Variants in POPDC1 observed in about 807,000 individuals in gnomAD.
POPDC1 encodes the protein popeye domain cAMP effector 1, also known as popeye domain-containing protein 1.
At chr6:105,124,685 C>T in the POPDC1 span, 7 of 1,384,734 alleles carry the variant, frequency 5.1e-6, no homozygotes, top group Non-Finnish European at 7.2e-6. Flanking sequence ...TTAATAAAAG[C>T]AATATTTCAC....
chr6:105,130,912 A>G, the POPDC1 span, among the ~76,000 whole-genome samples: 1 of 152,318 alleles, frequency 6.6e-6, no homozygotes, highest in Admixed American at 6.5e-5. Flanking sequence ...TTGCATTTCC[A>G]TGATTACTGG....
chr6:105,130,152 G>T, the POPDC1 span, among the ~76,000 whole-genome samples: 1 of 152,086 alleles, frequency 6.6e-6, no homozygotes, highest in Non-Finnish European at 1.5e-5. Context: ...ATTTAATTCT[G>T]CCTTACAGAG....
chr6:105,108,889 G>C, the POPDC1 span, among the ~76,000 whole-genome samples: 1 of 152,330 alleles, frequency 6.6e-6, no homozygotes, highest in South Asian at 2.1e-4. Context: ...CCGTTTCAAA[G>C]TAAGAGACCC....
chr6:105,135,088 T>C, the POPDC1 span, among the ~76,000 whole-genome samples: 5 of 152,300 alleles, frequency 3.3e-5, no homozygotes, highest in South Asian at 1.0e-3. Context: ...AGGTTAATAA[T>C]AACTATCATT....
At chr6:105,107,507 G>A in the POPDC1 span, among the ~76,000 whole-genome samples, 1 of 152,200 alleles carries the variant, frequency 6.6e-6, no homozygotes, top group Non-Finnish European at 1.5e-5. Context: ...TCAAATCTGA[G>A]CTTCAAATAA....
the POPDC1 span, among the ~76,000 whole-genome samples, chr6:105,117,662 T>G: frequency 0.017 from 2,607 of 152,284 alleles, 75 homozygotes; most frequent in African/African-American, 0.06. Context: ...CTTCCATCAG[T>G]TAACACAACT....
At chr6:105,118,909 C>A in the POPDC1 span, among the ~76,000 whole-genome samples, 1 of 152,058 alleles carries the variant, frequency 6.6e-6, no homozygotes, top group African/African-American at 2.4e-5. Context: ...ATTAGCCGGG[C>A]ATACTGGCAT....
the POPDC1 span, chr6:105,125,572 T>G: frequency 6.2e-7 from 1 of 1,613,834 alleles, no homozygotes; most frequent in South Asian, 1.1e-5. Flanking sequence ...TCCTTTTCAA[T>G]CTTTACCTGA....
the POPDC1 span, among the ~76,000 whole-genome samples, chr6:105,114,790 T>C: frequency 6.6e-6 from 1 of 152,216 alleles, no homozygotes; most frequent in East Asian, 1.9e-4. Flanking sequence ...TACCGGAAAA[T>C]GTGCCTCTTG....
chr6:105,129,334 T>G, the POPDC1 span: 3 of 1,498,344 alleles, frequency 2.0e-6, no homozygotes, highest in Non-Finnish European at 2.7e-6. Context: ...CTTTCAAAGT[T>G]TTAGCTTTAA....
At chr6:105,116,805 A>G in the POPDC1 span, 1 of 1,612,714 alleles carries the variant, frequency 6.2e-7, no homozygotes, top group Non-Finnish European at 8.5e-7. Flanking sequence ...GATTCCAGAA[A>G]GTATGTTAAT....
chr6:105,122,375 G>A, the POPDC1 span, among the ~76,000 whole-genome samples: 149 of 152,240 alleles, frequency 9.8e-4, no homozygotes, highest in African/African-American at 3.5e-3. Flanking sequence ...TCTAATTACC[G>A]GGAATAATTC....
At chr6:105,124,454 A>G in the POPDC1 span, 5 of 888,248 alleles carry the variant, frequency 5.6e-6, no homozygotes, top group East Asian at 4.9e-5. Flanking sequence ...TTTCCCCCCA[A>G]TAATTCATAG....
the POPDC1 span, among the ~76,000 whole-genome samples, chr6:105,109,763 C>CAGAAAAAAAAAAAAAAAAAAA: frequency 8.7e-5 from 2 of 22,866 alleles, no homozygotes; most frequent in Non-Finnish European, 1.1e-4. Context: ...GACCCTTTCT[C>CAGAAAAAAAAAAAAAAAAAAA]AAAAAAAAAA....
the POPDC1 span, among the ~76,000 whole-genome samples, chr6:105,103,106 G>A: frequency 2.0e-5 from 3 of 152,130 alleles, no homozygotes; most frequent in African/African-American, 4.8e-5. Context: ...TATTCAAATG[G>A]CAATGAATTC....
chr6:105,133,114 G>C, the POPDC1 span, among the ~76,000 whole-genome samples: 3 of 152,176 alleles, frequency 2.0e-5, no homozygotes, highest in African/African-American at 7.2e-5. Context: ...GAATGTTCTG[G>C]TATCTGGAAA....
At chr6:105,124,695 C>T in the POPDC1 span, 9 of 1,353,684 alleles carry the variant, frequency 6.6e-6, no homozygotes, top group East Asian at 2.1e-4. Context: ...CAATATTTCA[C>T]AAATACCATG....
At chr6:105,113,371 CTG>C in the POPDC1 span, among the ~76,000 whole-genome samples, 1 of 152,228 alleles carries the variant, frequency 6.6e-6, no homozygotes, top group Non-Finnish European at 1.5e-5. Flanking sequence ...CTGTAGTAGA[CTG>C]TGTTACAGTC....
chr6:105,102,488 G>A, the POPDC1 span, among the ~76,000 whole-genome samples: 1 of 152,176 alleles, frequency 6.6e-6, no homozygotes, highest in Non-Finnish European at 1.5e-5. Context: ...ATGAACGAGT[G>A]GTCATTCCTG....
Sources: gnomAD v4.1 joint callset for allele counts (sites outside exome capture counted in the v4.1 genomes callset) on GRCh38, gnomAD v4.1.1 for gene constraint, MANE v1.5 for transcripts, NCBI Gene and HGNC (gene_info 2026-07-23, HGNC 2026-07-21) for gene names.